CACHD1: variants seen among roughly 807,000 people sequenced by gnomAD.
CACHD1 encodes the protein VWFA and cache domain-containing protein 1.
Under a neutral mutation model 138.7 loss-of-function variants are expected in CACHD1, and 71 were observed. The observed-to-expected ratio is 0.51, with a 90% confidence interval of 0.42 to 0.62. CACHD1 has a LOEUF of 0.62. CACHD1 is among the 20% of genes least tolerant of loss of function. CACHD1 has a pLI of 0.00. For missense variants in CACHD1, 1,389 were observed against 1,625.3 expected, an observed-to-expected ratio of 0.85 and a Z score of 2.50; for synonymous variants, 578 against 591.5, an observed-to-expected ratio of 0.98 and a Z score of 0.33.
chr1:64,482,501 G>C (rs1353526497), intron 1 of CACHD1, among the ~76,000 whole-genome samples: 2 of 152,196 alleles, frequency 1.3e-5, no homozygotes, highest in East Asian at 1.9e-4. Flanking sequence ...CTTTCTAGGG[G>C]ACTGTTAGTC....
intron 2 of CACHD1, chr1:64,563,602 G>A (rs1313648388): frequency 6.6e-6 from 1 of 152,190 alleles, no homozygotes; most frequent in Non-Finnish European, 1.5e-5. Flanking sequence ...TAAAGAGACA[G>A]CACTTTATGT....
intron 26 of CACHD1, among the ~76,000 whole-genome samples, chr1:64,687,212 G>A (rs756979578): frequency 3.3e-5 from 5 of 152,162 alleles, no homozygotes; most frequent in Non-Finnish European, 5.9e-5. Context: ...ATGAGTCAGG[G>A]ACTATGTCTG....
At chr1:64,575,280 T>C (rs1386397269) in intron 2 of CACHD1, among the ~76,000 whole-genome samples, 1 of 152,200 alleles carries the variant, frequency 6.6e-6, no homozygotes, top group Non-Finnish European at 1.5e-5. Context: ...GAGAGAGCTC[T>C]ATGTCTGTCT....
Position 64,489,408 on chromosome 1 carries a change from G to T in CACHD1, c.198+18466G>T, listed in dbSNP as rs142299001. 8.2e-3 allele frequency among the ~76,000 whole-genome samples: 1,251 copies of T among 152,266 alleles called. 19 individuals carry two copies. Among genetic ancestry groups the T allele is most frequent in the African/African-American group, 0.029 (1,189 of 41,526 alleles). On this transcript the variant is annotated intron_variant, in intron 1 of 26. Transcript: ENST00000651257. ...GAGACCTTCCCCAAAGGAGGCGAGA[G>T]ATATGGATGATTCCAGGAATCCCCA...
chr1:64,658,943 T>G, intron 13 of CACHD1, 70 bp downstream of exon 13: 1 of 1,301,424 alleles, frequency 7.7e-7, no homozygotes, highest in South Asian at 1.7e-5. Flanking sequence ...TTGAATACCA[T>G]CCACCCCACC....
intron 4 of CACHD1, among the ~76,000 whole-genome samples, chr1:64,605,525 C>G (rs141036975): frequency 6.6e-6 from 1 of 152,074 alleles, no homozygotes; most frequent in Non-Finnish European, 1.5e-5. Flanking sequence ...TAGACAGTAC[C>G]TTCCTTAACG....
intron 1 of CACHD1, among the ~76,000 whole-genome samples, chr1:64,496,338 A>C (rs548856962): frequency 6.6e-6 from 1 of 152,328 alleles, no homozygotes; most frequent in South Asian, 2.1e-4. Flanking sequence ...AGAATATTTA[A>C]GAGGAGATGT....
intron 4 of CACHD1, among the ~76,000 whole-genome samples, chr1:64,615,790 A>G (rs754884464): frequency 2.0e-5 from 3 of 152,234 alleles, no homozygotes; most frequent in Non-Finnish European, 4.4e-5. Context: ...CAGACTATAC[A>G]AATGAATAAT....
intron 1 of CACHD1, among the ~76,000 whole-genome samples, chr1:64,511,709 G>T (rs1646421951): frequency 6.6e-6 from 1 of 152,160 alleles, no homozygotes; most frequent in Non-Finnish European, 1.5e-5. Context: ...TGAACCCCAG[G>T]ATTTCCTTTG....
Position 64,608,986 on chromosome 1 carries a change from G to A in CACHD1, c.517+6074G>A, listed in dbSNP as rs924323908. Among the ~76,000 whole-genome samples, 6 of 152,124 alleles carry A rather than the reference G, an allele frequency of 3.9e-5. No individual in the cohort carries two copies. In the East Asian group the frequency reaches 7.7e-4, roughly 20 times the overall value. On this transcript the variant is annotated intron_variant, in intron 4 of 26. Transcript: ENST00000651257. ...AAGAGCATTTGAAGTCGCAAACTTC[G>A]ATCTTGGTAACATTGCAGTCTTCAT...
chr1:64,548,746 A>C (rs1646736820), intron 1 of CACHD1, among the ~76,000 whole-genome samples: 1 of 152,244 alleles, frequency 6.6e-6, no homozygotes, highest in Admixed American at 6.5e-5. Context: ...CATCAGTTCA[A>C]GTTAGGATTC....
At chr1:64,594,673 G>A (rs139272057) in intron 3 of CACHD1, among the ~76,000 whole-genome samples, 271 of 152,296 alleles carry the variant, frequency 1.8e-3, no homozygotes, top group African/African-American at 6.2e-3. Flanking sequence ...CACTGCTTAC[G>A]CTATTGAATT....
chr1:64,670,198 G>C (rs1400288190), intron 16 of CACHD1, among the ~76,000 whole-genome samples: 1 of 152,166 alleles, frequency 6.6e-6, no homozygotes, highest in African/African-American at 2.4e-5. Flanking sequence ...AGCTACTTGA[G>C]ACTGGGGCAG....
At chr1:64,539,761 C>CT (rs1646663205) in intron 1 of CACHD1, among the ~76,000 whole-genome samples, 1 of 152,156 alleles carries the variant, frequency 6.6e-6, no homozygotes, top group Non-Finnish European at 1.5e-5. Flanking sequence ...TGAATGTATA[C>CT]TAAGCGCCAG....
intron 1 of CACHD1, among the ~76,000 whole-genome samples, chr1:64,538,875 A>G (rs1171061791): frequency 6.6e-6 from 1 of 152,230 alleles, no homozygotes; most frequent in Non-Finnish European, 1.5e-5. Flanking sequence ...CAACATTGCA[A>G]CTGTGTTTTA....
chr1:64,499,523 T>G (rs1646325458), intron 1 of CACHD1, among the ~76,000 whole-genome samples: 1 of 152,214 alleles, frequency 6.6e-6, no homozygotes, highest in Admixed American at 6.5e-5. Context: ...ACTCAGAGCT[T>G]CTTATTCTGG....
At chr1:64,612,810 T>C (rs1647580832) in intron 4 of CACHD1, among the ~76,000 whole-genome samples, 1 of 152,222 alleles carries the variant, frequency 6.6e-6, no homozygotes, top group African/African-American at 2.4e-5. Flanking sequence ...TAGTACAGTG[T>C]CCACTCTGCA....
At chr1:64,525,663 C>T (rs761149658) in intron 1 of CACHD1, among the ~76,000 whole-genome samples, 4 of 152,208 alleles carry the variant, frequency 2.6e-5, no homozygotes, top group Non-Finnish European at 5.9e-5. Flanking sequence ...GTCATCTCCA[C>T]CTAATTGATT....
rs1017619070 is a variant in CACHD1, at chr1:64,641,823, C to T, written c.1010C>T (p.Thr337Ile). 1 of 1,556,178 alleles carries T rather than the reference C, an allele frequency of 6.4e-7. No individual in the cohort carries two copies. Among genetic ancestry groups the T allele is most frequent in the Non-Finnish European group, 8.6e-7 (1 of 1,157,520 alleles). The change falls in exon 8 of 27, where the codon ACA (threonine) becomes ATA (isoleucine). Residue 337 changes from threonine (T) to isoleucine (I), a missense_variant. Thr to Ile is a moderately conservative substitution (Grantham distance 89). Around this residue, in one of 5 missense-constraint regions of CACHD1, gnomAD observed 1,000 missense variants for 1,114.7 expected, o/e 0.90. Coordinates refer to ENST00000651257, the MANE Select transcript of CACHD1 (RefSeq NM_020925.4). ...TNNNTKFQANTDMVIIYLSAG... is the reference protein window; with the variant it reads ...TNNNTKFQANIDMVIIYLSAG... ...CAATTGATGTGTTTTTGTTTAGATA[C>T]AGACATGGTCATCATTTACCTGTCA... is the stretch of plus-strand genomic sequence containing the variant.
Sources: gnomAD v4.1 joint callset for allele counts (sites outside exome capture counted in the v4.1 genomes callset) on GRCh38, gnomAD v4.1.1 for gene constraint, gnomAD v4.1.1 regional missense constraint, MANE v1.5 for transcripts, NCBI Gene and HGNC (gene_info 2026-07-23, HGNC 2026-07-21) for gene names.